SH3RF3: variants seen among roughly 807,000 people sequenced by gnomAD.
The protein encoded by SH3RF3 is E3 ubiquitin-protein ligase SH3RF3.
In SH3RF3, 29 loss-of-function variants were observed where a neutral mutation model predicts 66.3. The ratio of observed to expected loss-of-function variants is 0.44; its 90% CI spans 0.33 to 0.60. The LOEUF is 0.60. Ranked by LOEUF, SH3RF3 falls within the 20% of genes least tolerant of loss-of-function variation. The pLI is 0.04. For missense variants in SH3RF3, 1,194 were observed against 1,190.9 expected (o/e 1.00, Z -0.04); for synonymous variants, 583 against 532.0 (o/e 1.10, Z -1.32).
At chr2:109,471,232 GAAATT>G (rs1407797893) in intron 8 of SH3RF3, among the ~76,000 whole-genome samples, 57 of 116,460 alleles carry the variant, frequency 4.9e-4, no homozygotes, top group Non-Finnish European at 7.2e-4. Flanking sequence ...AAAAAAAAAA[GAAATT>G]AATACCTGAG....
chr2:109,234,745 G>T (rs1169250338), intron 1 of SH3RF3, among the ~76,000 whole-genome samples: 23 of 152,158 alleles, frequency 1.5e-4, no homozygotes. Context: ...TGTGGGAGCA[G>T]CACACACCAC....
intron 9 of SH3RF3, among the ~76,000 whole-genome samples, chr2:109,494,617 G>A (rs36130570): frequency 0.26 from 38,779 of 152,050 alleles, 5,307 homozygotes; most frequent in East Asian, 0.5. Context: ...AGTCCCTGCA[G>A]TGGGGCCAGA....
rs753225818 is a variant in SH3RF3 at position 109,437,128 on chromosome 2, C to T, written c.1810C>T (p.Arg604Trp). 3.1e-5 allele frequency: 50 copies of T among 1,611,644 alleles called. No homozygotes were observed. The highest frequency in any genetic ancestry group is 1.3e-4 in the African/African-American group (10 of 74,910). The change falls in exon 7 of 10, where the codon CGG (arginine) becomes TGG (tryptophan). Residue 604 changes from arginine to tryptophan, a missense_variant. Transcript: ENST00000309415. ...HSAQPTASQA[R>W]STISTAAHSA... ...AGCCCAGCCAACGGCCAGCCAAGCC[C>T]GGAGCACCATTTCAACAGGTACCTT...
intron 7 of SH3RF3, among the ~76,000 whole-genome samples, chr2:109,441,631 T>C (rs566002961): frequency 6.6e-6 from 1 of 152,140 alleles, no homozygotes. Context: ...GAAAAATGAT[T>C]TGAAGAAATA....
intron 1 of SH3RF3, among the ~76,000 whole-genome samples, chr2:109,336,506 G>T (rs543579207): frequency 1.3e-5 from 2 of 152,122 alleles, no homozygotes; most frequent in East Asian, 3.9e-4. Context: ...CTGAGGACTC[G>T]CTGTGAGGCC....
chr2:109,188,317 G>C (rs1486667986), intron 1 of SH3RF3, among the ~76,000 whole-genome samples: 2 of 152,200 alleles, frequency 1.3e-5, no homozygotes, highest in African/African-American at 4.8e-5. Context: ...AATGGAAGCT[G>C]TCTGGCCTGG....
chr2:109,291,278 C>A (rs1236307015), intron 1 of SH3RF3, among the ~76,000 whole-genome samples: 2 of 137,002 alleles, frequency 1.5e-5, no homozygotes, highest in African/African-American at 5.3e-5. Flanking sequence ...ACAGAGTAAT[C>A]TCTTTTTTTT....
intron 1 of SH3RF3, among the ~76,000 whole-genome samples, chr2:109,281,829 G>A (rs971764243): frequency 3.9e-5 from 6 of 152,206 alleles, no homozygotes; most frequent in African/African-American, 1.4e-4. Flanking sequence ...GACCATGGGA[G>A]GGTGTTGGGG....
At chr2:109,454,489 T>C (rs1677980694) in intron 8 of SH3RF3, among the ~76,000 whole-genome samples, 1 of 152,232 alleles carries the variant, frequency 6.6e-6, no homozygotes, top group East Asian at 1.9e-4. Context: ...TTGCTGTCCC[T>C]GTGCAGTTGA....
intron 1 of SH3RF3, among the ~76,000 whole-genome samples, chr2:109,136,738 G>C (rs187203741): frequency 2.0e-5 from 3 of 152,322 alleles, no homozygotes; most frequent in African/African-American, 7.2e-5. Flanking sequence ...AATGTAATGT[G>C]TGCATAAGGC....
chr2:109,446,444 AAT>A (rs1677707679), intron 7 of SH3RF3, among the ~76,000 whole-genome samples: 3 of 152,310 alleles, frequency 2.0e-5, no homozygotes, highest in African/African-American at 7.2e-5. Context: ...CGAACATGTA[AAT>A]TACACAACTG....
intron 3 of SH3RF3, among the ~76,000 whole-genome samples, chr2:109,390,271 A>G (rs530414508): frequency 6.6e-6 from 1 of 152,168 alleles, no homozygotes; most frequent in Non-Finnish European, 1.5e-5. Context: ...TTTTAGGTTC[A>G]TCTTCAGGTA....
intron 1 of SH3RF3, among the ~76,000 whole-genome samples, chr2:109,186,892 A>G (rs1436307518): frequency 1.3e-5 from 2 of 152,240 alleles, no homozygotes; most frequent in Non-Finnish European, 2.9e-5. Context: ...CTGTGGGTCC[A>G]TATATTCACC....
chr2:109,131,100 T>G (rs939029891), intron 1 of SH3RF3, among the ~76,000 whole-genome samples: 1 of 152,284 alleles, frequency 6.6e-6, no homozygotes, highest in African/African-American at 2.4e-5. Flanking sequence ...GAGTTGGTGA[T>G]GCCTAGTCCT....
At chr2:109,192,428 A>G (rs1453312559) in intron 1 of SH3RF3, among the ~76,000 whole-genome samples, 2 of 152,214 alleles carry the variant, frequency 1.3e-5, no homozygotes, top group Non-Finnish European at 2.9e-5. Flanking sequence ...TTAACTTCCC[A>G]ATTATTAAGA....
At chr2:109,282,842 A>G (rs910783700) in intron 1 of SH3RF3, among the ~76,000 whole-genome samples, 1 of 152,104 alleles carries the variant, frequency 6.6e-6, no homozygotes, top group Non-Finnish European at 1.5e-5. Flanking sequence ...TGGAGGGGTA[A>G]TGGTCCTCCT....
intron 1 of SH3RF3, among the ~76,000 whole-genome samples, chr2:109,172,876 C>G (rs1677820173): frequency 6.6e-6 from 1 of 152,204 alleles, no homozygotes; most frequent in South Asian, 2.1e-4. Flanking sequence ...TCCAGTATTT[C>G]TCTTCCAAAA....
chr2:109,188,195 C>T (rs545105228), intron 1 of SH3RF3, among the ~76,000 whole-genome samples: 152 of 152,346 alleles, frequency 1.0e-3, no homozygotes, highest in African/African-American at 3.2e-3. Flanking sequence ...TCCCTGGGCC[C>T]GAAGGGCTTT....
chr2:109,180,695 C>T (rs960281930), intron 1 of SH3RF3, among the ~76,000 whole-genome samples: 4 of 152,180 alleles, frequency 2.6e-5, no homozygotes, highest in East Asian at 1.9e-4. Flanking sequence ...ATGTGACTTG[C>T]TCCTCCTTTC....
Sources: allele counts gnomAD v4.1 joint callset (sites outside exome capture counted in the v4.1 genomes callset), GRCh38; gene constraint gnomAD v4.1.1; transcripts MANE v1.5; gene names NCBI Gene and HGNC (gene_info 2026-07-23, HGNC 2026-07-21).